Variants in GUCY1A2 observed in about 807,000 individuals in gnomAD.
GUCY1A2 encodes guanylate cyclase soluble subunit alpha-2.
Under a neutral mutation model 63.5 loss-of-function variants are expected in GUCY1A2, and 27 were observed. The ratio of observed to expected loss-of-function variants is 0.43; its 90% CI spans 0.31 to 0.59. The LOEUF is 0.59. Ranked by LOEUF, GUCY1A2 falls within the 20% of genes least tolerant of loss-of-function variation. The pLI, the probability that GUCY1A2 is intolerant of heterozygous loss-of-function variation, is 0.11. For missense variants in GUCY1A2, 768 were observed against 913.3 expected (o/e 0.84, Z 2.05); for synonymous variants, 364 against 343.5 (o/e 1.06, Z -0.66).
At chr11:106,808,127 A>G (rs796840575) in intron 5 of GUCY1A2, among the ~76,000 whole-genome samples, 2 of 152,162 alleles carry the variant, frequency 1.3e-5, no homozygotes, top group Non-Finnish European at 2.9e-5. Flanking sequence ...CCATCCCTCT[A>G]GAGAACCCTG....
At chr11:106,980,018 G>T (rs1463310012) in intron 2 of GUCY1A2, among the ~76,000 whole-genome samples, 3 of 152,168 alleles carry the variant, frequency 2.0e-5, no homozygotes, top group African/African-American at 7.2e-5. Context: ...AGAGATTGGG[G>T]ATTACCCATC....
At chr11:106,769,264 T>C (rs1197805899) in intron 6 of GUCY1A2, among the ~76,000 whole-genome samples, 1 of 152,104 alleles carries the variant, frequency 6.6e-6, no homozygotes, top group Non-Finnish European at 1.5e-5. Context: ...TTTACAATCA[T>C]TACAGATGAT....
At chr11:107,015,848 A>T (rs1019445139) in intron 1 of GUCY1A2, among the ~76,000 whole-genome samples, 6 of 152,192 alleles carry the variant, frequency 3.9e-5, no homozygotes, top group Admixed American at 6.5e-5. Flanking sequence ...AAGAACAGCA[A>T]AGAGTAGCCA....
intron 6 of GUCY1A2, chr11:106,746,715 T>C (rs1220366593): frequency 2.6e-6 from 2 of 770,520 alleles, no homozygotes; most frequent in Non-Finnish European, 4.3e-6. Context: ...TGACATTTTT[T>C]ATTTGCATAT....
At chr11:106,738,770 T>C (rs1319797567) in intron 6 of GUCY1A2, among the ~76,000 whole-genome samples, 3 of 152,192 alleles carry the variant, frequency 2.0e-5, no homozygotes, top group Non-Finnish European at 2.9e-5. Flanking sequence ...TTGGTACCAG[T>C]ACCATGCTGT....
chr11:106,769,912 T>C (rs991959080), intron 6 of GUCY1A2, among the ~76,000 whole-genome samples: 5 of 152,096 alleles, frequency 3.3e-5, no homozygotes, highest in African/African-American at 9.7e-5. Context: ...GTTTTATAAA[T>C]AAATAATTAT....
chr11:106,889,851 G>T (rs533184544), intron 4 of GUCY1A2, among the ~76,000 whole-genome samples: 1 of 152,068 alleles, frequency 6.6e-6, no homozygotes, highest in African/African-American at 2.4e-5. Flanking sequence ...TTGGCATTAC[G>T]CAACTTAATG....
chr11:106,787,968 C>T (rs1482348261), intron 5 of GUCY1A2, among the ~76,000 whole-genome samples: 1 of 151,932 alleles, frequency 6.6e-6, no homozygotes, highest in African/African-American at 2.4e-5. Flanking sequence ...CAAACTATTC[C>T]CCATATTGGT....
At chr11:106,840,088 G>A (rs1859175824) in intron 4 of GUCY1A2, among the ~76,000 whole-genome samples, 1 of 152,006 alleles carries the variant, frequency 6.6e-6, no homozygotes, top group African/African-American at 2.4e-5. Flanking sequence ...ATATGACATT[G>A]TAAGCTGATT....
chr11:106,843,690 A>C (rs1859231895), intron 4 of GUCY1A2, among the ~76,000 whole-genome samples: 1 of 152,054 alleles, frequency 6.6e-6, no homozygotes, highest in Middle Eastern at 3.4e-3. Flanking sequence ...TTTGCAAGTG[A>C]AGTCAATAGG....
At chr11:106,740,659 TATGTATGTATGTATGTATGTATG>T (rs1863678310) in intron 6 of GUCY1A2, among the ~76,000 whole-genome samples, 1 of 92,870 alleles carries the variant, frequency 1.1e-5, no homozygotes, top group Non-Finnish European at 2.9e-5. Context: ...TGTATGTATG[TATGTATGTATGTATGTATGTATG>T]TATGTATTTA....
chr11:106,859,968 TA>T (rs1385340755), intron 4 of GUCY1A2, among the ~76,000 whole-genome samples: 1 of 151,972 alleles, frequency 6.6e-6, no homozygotes, highest in African/African-American at 2.4e-5. Context: ...TCCCCATTGT[TA>T]AGTAATGCAT....
intron 3 of GUCY1A2, among the ~76,000 whole-genome samples, chr11:106,953,746 C>G (rs1860943561): frequency 6.6e-6 from 1 of 151,804 alleles, no homozygotes; most frequent in African/African-American, 2.4e-5. Flanking sequence ...CTGGTTTAGT[C>G]TTGGTAGGGT....
chr11:106,849,727 C>T (rs1859325380), intron 4 of GUCY1A2, among the ~76,000 whole-genome samples: 1 of 151,596 alleles, frequency 6.6e-6, no homozygotes, highest in Non-Finnish European at 1.5e-5. Context: ...TGATGGAAAA[C>T]CACCAAACCT....
At chr11:106,692,443 T>C (rs1452675710) in intron 7 of GUCY1A2, among the ~76,000 whole-genome samples, 1 of 152,152 alleles carries the variant, frequency 6.6e-6, no homozygotes, top group Non-Finnish European at 1.5e-5. Context: ...CTTGATTCCA[T>C]GGAGGTCCAT....
intron 1 of GUCY1A2, among the ~76,000 whole-genome samples, chr11:106,987,424 G>T (rs573773840): frequency 2.0e-5 from 3 of 152,222 alleles, no homozygotes; most frequent in Non-Finnish European, 4.4e-5. Context: ...GCCGAGGCAC[G>T]TGGATCACTT....
At chr11:106,765,954 A>G (rs1381552726) in intron 6 of GUCY1A2, among the ~76,000 whole-genome samples, 2 of 152,166 alleles carry the variant, frequency 1.3e-5, no homozygotes, top group Non-Finnish European at 2.9e-5. Context: ...GTCTTGTAAC[A>G]TTTACACACA....
chr11:106,752,160 A>G (rs1863892280), intron 6 of GUCY1A2, among the ~76,000 whole-genome samples: 1 of 152,176 alleles, frequency 6.6e-6, no homozygotes. Context: ...ATGACTTCTT[A>G]GGATTTGAGC....
chr11:106,989,796 T>C (rs1349229069), intron 1 of GUCY1A2, among the ~76,000 whole-genome samples: 1 of 152,120 alleles, frequency 6.6e-6, no homozygotes, highest in African/African-American at 2.4e-5. Flanking sequence ...GAGACAGTGA[T>C]ACAAGCAGAA....
Sources: gnomAD v4.1 joint callset for allele counts (sites outside exome capture counted in the v4.1 genomes callset) on GRCh38, gnomAD v4.1.1 for gene constraint, MANE v1.5 for transcripts, NCBI Gene and HGNC (gene_info 2026-07-23, HGNC 2026-07-21) for gene names.